Variants in NDST4 observed in about 807,000 individuals in gnomAD.
NDST4 encodes the protein N-heparan sulfate sulfotransferase 4.
Under a neutral mutation model 100.8 loss-of-function variants are expected in NDST4, and 63 were observed. The ratio of observed to expected loss-of-function variants is 0.62; its 90% CI spans 0.51 to 0.77. The LOEUF (loss-of-function observed/expected upper bound fraction) is 0.77, where lower values mean the gene tolerates loss of function less well. Among genes scored for constraint, NDST4 ranks in the 30% least tolerant of loss-of-function variants. The pLI is 0.00. For missense variants in NDST4, 943 were observed against 1,018.4 expected (o/e 0.93, Z 1.01); for synonymous variants, 377 against 361.8 (o/e 1.04, Z -0.48).
chr4:115,110,106 A>C (rs544956122), intron 1 of NDST4, among the ~76,000 whole-genome samples: 1 of 152,092 alleles, frequency 6.6e-6, no homozygotes, highest in East Asian at 1.9e-4. Flanking sequence ...TGTCACCTCT[A>C]GAAAGTGATA....
At chr4:114,944,679 G>A (rs1041803521) in intron 4 of NDST4, among the ~76,000 whole-genome samples, 3 of 152,180 alleles carry the variant, frequency 2.0e-5, no homozygotes, top group Non-Finnish European at 4.4e-5. Flanking sequence ...TTTCTTGAAA[G>A]AACACTGCTC....
At chr4:114,955,603 G>A (rs1726119952) in intron 4 of NDST4, among the ~76,000 whole-genome samples, 1 of 152,208 alleles carries the variant, frequency 6.6e-6, no homozygotes, top group African/African-American at 2.4e-5. Context: ...AGAAAGAATA[G>A]TAGGATGCAG....
At chr4:114,901,430 T>G (rs1724836061) in intron 6 of NDST4, among the ~76,000 whole-genome samples, 1 of 152,098 alleles carries the variant, frequency 6.6e-6, no homozygotes, top group African/African-American at 2.4e-5. Context: ...CTGCTCTGTC[T>G]GAAGTTAATA....
At chr4:114,846,227 G>A (rs1723547696) in intron 9 of NDST4, among the ~76,000 whole-genome samples, 1 of 152,152 alleles carries the variant, frequency 6.6e-6, no homozygotes, top group African/African-American at 2.4e-5. Flanking sequence ...GAAATAGGTA[G>A]GCCAATAAGG....
At chr4:114,938,873 G>A (rs970169196) in intron 4 of NDST4, among the ~76,000 whole-genome samples, 1 of 152,164 alleles carries the variant, frequency 6.6e-6, no homozygotes, top group African/African-American at 2.4e-5. Flanking sequence ...AAATGACTCT[G>A]TAGAAGACTG....
chr4:115,047,604 T>C (rs1728491233), intron 2 of NDST4, among the ~76,000 whole-genome samples: 1 of 152,176 alleles, frequency 6.6e-6, no homozygotes, highest in African/African-American at 2.4e-5. Context: ...AGAATAGTTT[T>C]AATGCTATTA....
At chr4:114,982,532 G>T (rs1364028524) in intron 2 of NDST4, among the ~76,000 whole-genome samples, 2 of 152,174 alleles carry the variant, frequency 1.3e-5, no homozygotes, top group Non-Finnish European at 2.9e-5. Context: ...ATATGGCCTG[G>T]CCCTTCCTAA....
At chr4:114,883,934 T>C (rs1724424910) in intron 6 of NDST4, among the ~76,000 whole-genome samples, 1 of 152,196 alleles carries the variant, frequency 6.6e-6, no homozygotes, top group East Asian at 1.9e-4. Flanking sequence ...CAGGTTGTAA[T>C]GCTAGCTTGC....
intron 1 of NDST4, among the ~76,000 whole-genome samples, chr4:115,100,335 G>A (rs1355577955): frequency 2.0e-5 from 3 of 152,032 alleles, no homozygotes; most frequent in Non-Finnish European, 4.4e-5. Flanking sequence ...GTGGACTTGG[G>A]GTGATAATGA....
At chr4:114,997,647 C>G (rs1294194002) in intron 2 of NDST4, among the ~76,000 whole-genome samples, 1 of 152,010 alleles carries the variant, frequency 6.6e-6, no homozygotes, top group Non-Finnish European at 1.5e-5. Context: ...ATAGTAAAGG[C>G]TTAGAGGGAA....
chr4:115,095,932 C>T (rs1277605060), intron 1 of NDST4, among the ~76,000 whole-genome samples: 1 of 152,012 alleles, frequency 6.6e-6, no homozygotes, highest in Non-Finnish European at 1.5e-5. Flanking sequence ...CTCACTTCAC[C>T]TGTTAATCCA....
chr4:115,031,957 A>G (rs1728125774), intron 2 of NDST4, among the ~76,000 whole-genome samples: 1 of 152,080 alleles, frequency 6.6e-6, no homozygotes, highest in Admixed American at 6.6e-5. Flanking sequence ...GTTACTGAAG[A>G]CCAGGGCATC....
intron 2 of NDST4, among the ~76,000 whole-genome samples, chr4:115,057,731 C>G (rs752985860): frequency 1.4e-4 from 8 of 56,598 alleles, no homozygotes; most frequent in Non-Finnish European, 1.7e-4. Flanking sequence ...CACACACACA[C>G]ACAGACACAC....
At chr4:115,031,720 T>C (rs576946153) in intron 2 of NDST4, among the ~76,000 whole-genome samples, 18 of 152,206 alleles carry the variant, frequency 1.2e-4, no homozygotes, top group Non-Finnish European at 1.6e-4. Flanking sequence ...CTAGTAATTA[T>C]ATGCAAAAAT....
intron 6 of NDST4, among the ~76,000 whole-genome samples, chr4:114,871,222 A>C (rs1245785913): frequency 6.6e-6 from 1 of 152,124 alleles, no homozygotes; most frequent in Non-Finnish European, 1.5e-5. Flanking sequence ...TGTGGAGCCA[A>C]TACCATCAAA....
intron 11 of NDST4, among the ~76,000 whole-genome samples, 162 bp from the exon 12 acceptor site, chr4:114,833,877 C>T (rs769414639): frequency 5.3e-5 from 8 of 152,166 alleles, no homozygotes; most frequent in Non-Finnish European, 1.0e-4. Context: ...TTCTTGCATC[C>T]TTCCACATAA....
At chr4:115,064,526 G>A (rs998901074) in intron 2 of NDST4, among the ~76,000 whole-genome samples, 5 of 151,958 alleles carry the variant, frequency 3.3e-5, no homozygotes, top group African/African-American at 1.2e-4. Flanking sequence ...AGGAGAAAAA[G>A]GAGTTCCAAA....
chr4:114,962,922 G>C (rs75283452), intron 4 of NDST4, among the ~76,000 whole-genome samples: 51 of 152,080 alleles, frequency 3.4e-4, no homozygotes, highest in African/African-American at 7.5e-4. Context: ...TAATAACAAG[G>C]GTTGGTGAGA....
chr4:114,972,289 G>A (rs1383121671), intron 3 of NDST4, among the ~76,000 whole-genome samples: 1 of 151,864 alleles, frequency 6.6e-6, no homozygotes, highest in African/African-American at 2.4e-5. Context: ...TTTCTTTTAT[G>A]TATACTCACT....
Sources: allele counts gnomAD v4.1 joint callset (sites outside exome capture counted in the v4.1 genomes callset), GRCh38; gene constraint gnomAD v4.1.1; transcripts MANE v1.5; gene names NCBI Gene and HGNC (gene_info 2026-07-23, HGNC 2026-07-21).